KIDINS220: variants seen among roughly 807,000 people sequenced by gnomAD.
KIDINS220 encodes kinase D-interacting substrate of 220 kDa.
KIDINS220 carries 63 observed loss-of-function variants against 157.6 expected under a neutral mutation model. The observed-to-expected ratio is 0.40, with a 90% confidence interval of 0.33 to 0.49. KIDINS220 has a LOEUF of 0.49. Ranked by LOEUF, KIDINS220 falls within the 20% of genes least tolerant of loss-of-function variation. KIDINS220 has a pLI of 0.66. For synonymous variants in KIDINS220, 732 were observed against 783.6 expected, an observed-to-expected ratio of 0.93 and a Z score of 1.10; for missense variants, 1,772 against 2,171.2, an observed-to-expected ratio of 0.82 and a Z score of 3.65.
intron 18 of KIDINS220, 109 bp downstream of exon 18, chr2:8,779,565 T>C (rs1325349785): frequency 1.8e-6 from 2 of 1,135,348 alleles, no homozygotes; most frequent in African/African-American, 3.1e-5. Flanking sequence ...AAATAGGAAC[T>C]ACTCAAACAA....
intron 2 of KIDINS220, among the ~76,000 whole-genome samples, chr2:8,819,266 T>C (rs904071490): frequency 3.3e-5 from 5 of 152,182 alleles, no homozygotes; most frequent in Non-Finnish European, 5.9e-5. Context: ...AATACACATA[T>C]GTAGTTTTTT....
At chr2:8,823,250 G>C (rs1678262436) in intron 2 of KIDINS220, among the ~76,000 whole-genome samples, 1 of 152,032 alleles carries the variant, frequency 6.6e-6, no homozygotes, top group African/African-American at 2.4e-5. Flanking sequence ...ACCACATACA[G>C]CCTACCCACA....
At chr2:8,763,065 A>T (rs1668989513) in intron 22 of KIDINS220, among the ~76,000 whole-genome samples, 1 of 152,230 alleles carries the variant, frequency 6.6e-6, no homozygotes, top group Non-Finnish European at 1.5e-5. Context: ...ATACCCTAAT[A>T]AGTTATTCTA....
intron 26 of KIDINS220, among the ~76,000 whole-genome samples, chr2:8,744,424 A>ATC (rs1666254816): frequency 1.1e-5 from 1 of 93,822 alleles, no homozygotes; most frequent in Non-Finnish European, 2.1e-5. Context: ...ATATATATAT[A>ATC]TATATATATA....
chr2:8,731,244 A>T lies in KIDINS220; in HGVS notation c.4792T>A (p.Ser1598Thr). Residue 1598 changes from serine (S) to threonine (T), a missense_variant, in exon 30 of 30, where the codon TCT (serine) becomes ACT (threonine). Physicochemically the swap from Ser to Thr is moderately conservative, Grantham distance 58. This residue lies in a region of KIDINS220 where 793 missense variants were observed against 885.5 expected (regional missense o/e 0.90). Coordinates refer to ENST00000256707, the MANE Select transcript of KIDINS220 (RefSeq NM_020738.4). The surrounding 1 kb of genome is among the most constrained non-coding windows in gnomAD (Gnocchi z 5.2). ...TCATCCGCCACTTCATTGTGCAGAG[A>T]GTGATTGGGAGAACTTTCACTGGAT... ...VRSSESSPNH[S>T]LHNEVADDSQ... 6.2e-7 allele frequency: 1 copy of T among 1,614,076 alleles called. No homozygotes were observed. The highest frequency in any genetic ancestry group is 8.5e-7 in the Non-Finnish European group (1 of 1,180,026).
chr2:8,788,489 G>A (rs1475536580), intron 15 of KIDINS220, among the ~76,000 whole-genome samples, 158 bp downstream of exon 15: 2 of 152,070 alleles, frequency 1.3e-5, no homozygotes, highest in Non-Finnish European at 2.9e-5. Flanking sequence ...GGCTGGTCTC[G>A]AACTCCTGAC....
intron 17 of KIDINS220, among the ~76,000 whole-genome samples, chr2:8,783,211 G>A (rs74171466): frequency 0.32 from 41,568 of 129,912 alleles, 6,349 homozygotes; most frequent in African/African-American, 0.35. Flanking sequence ...AAAAAAAAAA[G>A]AAACAGGCTA....
intron 21 of KIDINS220, among the ~76,000 whole-genome samples, chr2:8,771,352 T>A (rs1670205024): frequency 6.6e-6 from 1 of 152,230 alleles, no homozygotes; most frequent in Non-Finnish European, 1.5e-5. Context: ...CCAACTGAGT[T>A]GTAATGTTTC....
chr2:8,799,693 G>A (rs1674430191), intron 9 of KIDINS220, among the ~76,000 whole-genome samples: 1 of 152,088 alleles, frequency 6.6e-6, no homozygotes, highest in South Asian at 2.1e-4. Context: ...ATAACATTTG[G>A]CATAATAGTT....
intron 1 of KIDINS220, among the ~76,000 whole-genome samples, chr2:8,834,944 C>T (rs563822562): frequency 3.9e-5 from 6 of 152,260 alleles, no homozygotes; most frequent in African/African-American, 9.6e-5. Context: ...TGGACTCAAG[C>T]GATCCTCCTG....
chr2:8,794,334 T>C (rs1190774833), intron 11 of KIDINS220: 1 of 166,068 alleles, frequency 6.0e-6, no homozygotes, highest in Admixed American at 6.2e-5. Flanking sequence ...CATCCAAATA[T>C]TTATTGTCCA....
At chr2:8,757,372 T>G in intron 22 of KIDINS220, 3 of 1,074,890 alleles carry the variant, frequency 2.8e-6, no homozygotes, top group Non-Finnish European at 3.4e-6. Context: ...TTTTTTATAT[T>G]TATTACTAAT....
chr2:8,744,416 A>G (rs112600846), intron 26 of KIDINS220, among the ~76,000 whole-genome samples: 1 of 92,106 alleles, frequency 1.1e-5, no homozygotes, highest in Non-Finnish European at 2.1e-5. Context: ...ATATATATAT[A>G]TATATATATA....
At chr2:8,828,943 T>C (rs1679219373) in intron 1 of KIDINS220, among the ~76,000 whole-genome samples, 1 of 152,082 alleles carries the variant, frequency 6.6e-6, no homozygotes, top group Non-Finnish European at 1.5e-5. Flanking sequence ...ATTTAGATGA[T>C]GAGATTTAAA....
chr2:8,750,060 A>T, intron 24 of KIDINS220, 52 bp downstream of exon 24: 1 of 1,484,628 alleles, frequency 6.7e-7, no homozygotes, highest in Admixed American at 1.8e-5. Context: ...CAGAAAACTG[A>T]GGTTTCCCTG....
At chr2:8,814,319 A>G (rs570706661) in intron 4 of KIDINS220, among the ~76,000 whole-genome samples, 1 of 152,352 alleles carries the variant, frequency 6.6e-6, no homozygotes, top group South Asian at 2.1e-4. Flanking sequence ...AAAAGGGCAC[A>G]GAGCCAGCCT....
At chr2:8,755,831 G>A (rs139759297) in intron 22 of KIDINS220, among the ~76,000 whole-genome samples, 13 of 152,278 alleles carry the variant, frequency 8.5e-5, no homozygotes, top group African/African-American at 3.1e-4. Context: ...ATATTCTATT[G>A]CTCTATATGT....
intron 6 of KIDINS220, among the ~76,000 whole-genome samples, chr2:8,810,853 A>G (rs1431696552): frequency 6.6e-6 from 1 of 152,220 alleles, no homozygotes; most frequent in African/African-American, 2.4e-5. Context: ...ACCTCAGTCA[A>G]TCTGAATTAA....
intron 4 of KIDINS220, among the ~76,000 whole-genome samples, chr2:8,815,851 G>C (rs1361964069): frequency 1.3e-5 from 2 of 152,084 alleles, no homozygotes; most frequent in Non-Finnish European, 2.9e-5. Flanking sequence ...GTCCTCACAG[G>C]AAGAGTCCTC....
Sources: gnomAD v4.1 joint callset for allele counts (sites outside exome capture counted in the v4.1 genomes callset) on GRCh38, gnomAD v4.1.1 for gene constraint, gnomAD v4.1.1 regional missense constraint, Gnocchi (gnomAD v3.1) non-coding constraint, MANE v1.5 for transcripts, NCBI Gene and HGNC (gene_info 2026-07-23, HGNC 2026-07-21) for gene names.